The following GYG2 variants were observed in gnomAD, a reference collection of about 807,000 sequenced individuals.
GYG2 encodes glycogenin 2, also known as glycogenin-2.
Under a neutral mutation model 29.4 loss-of-function variants are expected in GYG2, and 29 were observed. The observed-to-expected ratio is 0.99, with a 90% CI of 0.74 to 1.35. The LOEUF (loss-of-function observed/expected upper bound fraction) is 1.35. Among genes scored for constraint, GYG2 ranks in the 40% most tolerant of loss-of-function variants. GYG2 has a pLI of 0.00. For missense variants in GYG2, 370 were observed against 385.7 expected (o/e 0.96, Z 0.34); for synonymous variants, 167 against 172.3 (o/e 0.97, Z 0.24).
intron 2 of GYG2, among the ~76,000 whole-genome samples, chrX:2,842,164 C>G (rs2087515787): frequency 9.4e-6 from 1 of 106,509 alleles, no homozygotes; most frequent in Non-Finnish European, 1.9e-5. Context: ...CTTTATGGAG[C>G]ACGATTCTTT....
chrX:2,841,834 G>A (rs1188075245), intron 2 of GYG2, among the ~76,000 whole-genome samples: 4 of 112,011 alleles, frequency 3.6e-5, no homozygotes, highest in East Asian at 2.8e-4. Context: ...GGGACTTCTC[G>A]GCATTGCTGG....
chrX:2,875,867 C>T lies in GYG2; in HGVS notation c.1096C>T (p.Gln366Ter). The T allele has an allele frequency of 8.4e-7, 1 of 1,194,164 alleles. No individual in the cohort carries two copies. ...PAVITCDPLS[Q>*]PSPQPADFTE... is the part of the protein sequence containing the mutation. ...CGTGATAACGTGTGACCCACTGTCC[C>T]AGCCTTCCCCTCAGCCTGCAGACTT... is the stretch of plus-strand genomic sequence containing the variant. Residue 366 changes from glutamine (Q) to a stop codon, truncating the protein, a stop_gained, in exon 9 of 11, where the codon CAG (glutamine) becomes TAG (stop). Coordinates refer to ENST00000398806, the MANE Select transcript of GYG2 (RefSeq NM_001079855.2). LOFTEE classifies it high-confidence loss of function.
At chrX:2,836,440 G>A (rs1352827333) in intron 2 of GYG2, among the ~76,000 whole-genome samples, 5 of 110,580 alleles carry the variant, frequency 4.5e-5, no homozygotes, top group African/African-American at 1.3e-4. Flanking sequence ...AGGCCAGGAC[G>A]GGAGGATTGC....
intron 3 of GYG2, among the ~76,000 whole-genome samples, chrX:2,844,043 G>T (rs2087566397): frequency 8.9e-6 from 1 of 111,981 alleles, no homozygotes; most frequent in Non-Finnish European, 1.9e-5. Flanking sequence ...AAAGCATAAG[G>T]CTTCTCTTAA....
At chrX:2,837,832 AT>A (rs1473971827) in intron 2 of GYG2, among the ~76,000 whole-genome samples, 6 of 85,669 alleles carry the variant, frequency 7.0e-5, no homozygotes, top group African/African-American at 1.5e-4. Flanking sequence ...CTGCTTTGCA[AT>A]TAAATACACA....
At chrX:2,857,633 T>C (rs2088050515) in intron 6 of GYG2, among the ~76,000 whole-genome samples, 1 of 110,814 alleles carries the variant, frequency 9.0e-6, no homozygotes, top group East Asian at 2.9e-4. Flanking sequence ...CATCTATCTA[T>C]ATATTAATAC....
At chrX:2,837,990 G>A (rs1458044498) in intron 2 of GYG2, among the ~76,000 whole-genome samples, 2 of 107,179 alleles carry the variant, frequency 1.9e-5, no homozygotes, top group African/African-American at 6.8e-5. Flanking sequence ...CAATCCTGCC[G>A]TCTCAGCTTC....
chrX:2,855,232 G>A (rs1275374802), intron 5 of GYG2, 77 bp downstream of exon 5: 9 of 907,521 alleles, frequency 9.9e-6, no homozygotes, highest in South Asian at 9.2e-5. Context: ...GAAGTCAGCC[G>A]TTGACCATAC....
intron 8 of GYG2, among the ~76,000 whole-genome samples, chrX:2,873,630 T>C (rs1021381350): frequency 9.9e-5 from 11 of 111,507 alleles, no homozygotes; most frequent in East Asian, 5.6e-4. Context: ...CAATCCTATA[T>C]TGTTAACTGT....
At chrX:2,880,233 T>G (rs1042578733) in intron 10 of GYG2, among the ~76,000 whole-genome samples, 1 of 108,547 alleles carries the variant, frequency 9.2e-6, no homozygotes, top group East Asian at 2.9e-4. Flanking sequence ...CACATGACCC[T>G]TAAGAAGGCA....
At chrX:2,842,045 A>G (rs761467885) in intron 2 of GYG2, among the ~76,000 whole-genome samples, 82 of 112,200 alleles carry the variant, frequency 7.3e-4, no homozygotes, top group African/African-American at 2.2e-3. Flanking sequence ...TAATGAAACA[A>G]TGTACTTTTC....
At chrX:2,831,985 A>G (rs2087274330) in intron 2 of GYG2, among the ~76,000 whole-genome samples, 1 of 112,458 alleles carries the variant, frequency 8.9e-6, no homozygotes, top group Admixed American at 9.4e-5. Flanking sequence ...TGTCCGCCGC[A>G]GTGGCACTTG....
Position 2,880,936 on chromosome X carries a change from T to G in GYG2, c.1252-116T>G, listed in dbSNP as rs1215069277. The G allele has an allele frequency of 4.8e-6, 3 of 628,060 alleles. No individual in the cohort carries two copies. In the Admixed American group the frequency reaches 9.1e-5, roughly 19 times the overall value. 51.8% of individuals were successfully genotyped at this position (628,060 alleles called of 1,213,427 possible). On this transcript the variant is annotated intron_variant, in intron 10 of 10. Coordinates refer to ENST00000398806, the MANE Select transcript of GYG2 (RefSeq NM_001079855.2). ...CAAAGTGCTAGTGATTCGCAATCTC[T>G]TTTTGAGAACTGAGATGCATCTTTC...
At chrX:2,865,482 A>G (rs1008905304) in intron 8 of GYG2, among the ~76,000 whole-genome samples, 1 of 111,794 alleles carries the variant, frequency 8.9e-6, no homozygotes, top group African/African-American at 3.3e-5. Flanking sequence ...TGAGGTGGCA[A>G]CTTAAACAAT....
chrX:2,830,928 C>T (rs2087249738), intron 2 of GYG2, among the ~76,000 whole-genome samples: 1 of 111,803 alleles, frequency 8.9e-6, no homozygotes, highest in Non-Finnish European at 1.9e-5. Context: ...CTCTAAAAAA[C>T]AACAACAAAA....
intron 8 of GYG2, among the ~76,000 whole-genome samples, chrX:2,873,868 T>C (rs1157495492): frequency 9.0e-6 from 1 of 110,755 alleles, no homozygotes; most frequent in African/African-American, 3.3e-5. Context: ...GGCAGGCAGA[T>C]CACTTGAGGT....
rs976786497 is a variant in GYG2, at chrX:2,859,799, T to C, written c.615-44T>C. On this transcript the variant is annotated intron_variant, in intron 6 of 10. Coordinates refer to ENST00000398806, the MANE Select transcript of GYG2 (RefSeq NM_001079855.2). ...GTGGATGCTTTCTGGGTGTCTTTTATCACATCTGAGTGGAAATCAGAATCC... is the reference window on the plus strand; with the variant it reads ...GTGGATGCTTTCTGGGTGTCTTTTACCACATCTGAGTGGAAATCAGAATCC... 6.6e-6 allele frequency: 6 copies of C among 914,034 alleles called. No individual in the cohort carries two copies. In the African/African-American group the frequency reaches 1.2e-4, roughly 18 times the overall value. The allele number at this position is 914,034 out of a possible 1,213,427, so 75.3% of individuals were successfully genotyped here. A position where few individuals can be genotyped will look rare whatever the true frequency, so the allele number is the denominator to read the frequency against.
At chrX:2,837,187 G>A (rs192368142) in intron 2 of GYG2, among the ~76,000 whole-genome samples, 3 of 111,628 alleles carry the variant, frequency 2.7e-5, no homozygotes, top group African/African-American at 9.8e-5. Context: ...GAATCTACAC[G>A]GTGGAGCTCA....
chrX:2,868,374 T>C (rs1235959916), intron 8 of GYG2, among the ~76,000 whole-genome samples: 3 of 104,883 alleles, frequency 2.9e-5, no homozygotes, highest in Non-Finnish European at 3.9e-5. Flanking sequence ...CGGAAATCGC[T>C]TGAACCCGGG....
Sources: allele counts gnomAD v4.1 joint callset (sites outside exome capture counted in the v4.1 genomes callset), GRCh38; gene constraint gnomAD v4.1.1; transcripts MANE v1.5; gene names NCBI Gene and HGNC (gene_info 2026-07-23, HGNC 2026-07-21).